The following GPM6A variants were observed in gnomAD, a reference collection of about 807,000 sequenced individuals.
GPM6A encodes neuronal membrane glycoprotein M6-a.
Under a neutral mutation model 32.1 loss-of-function variants are expected in GPM6A, and 7 were observed. The ratio of observed to expected loss-of-function variants is 0.22; its 90% CI spans 0.12 to 0.41. The LOEUF is 0.41. Among genes scored for constraint, GPM6A ranks in the 10% least tolerant of loss-of-function variants. GPM6A has a pLI of 1.00. For synonymous variants in GPM6A, 130 were observed against 123.4 expected (o/e 1.05, Z -0.35); for missense variants, 235 against 347.2 (o/e 0.68, Z 2.57).
intron 1 of GPM6A, among the ~76,000 whole-genome samples, chr4:175,837,121 A>G (rs76944430): frequency 0.14 from 20,666 of 152,082 alleles, 1,745 homozygotes; most frequent in Middle Eastern, 0.24. Context: ...GAGTAAGAAC[A>G]AGAGCAAGAG....
At chr4:175,879,263 A>G (rs2201547) in intron 1 of GPM6A, among the ~76,000 whole-genome samples, 76,514 of 152,044 alleles carry the variant, frequency 0.5, 21,127 homozygotes, top group East Asian at 0.7. Flanking sequence ...CCTGTTGTCC[A>G]GTTCCAAAGT....
At chr4:175,697,238 T>C (rs946344654) in intron 2 of GPM6A, among the ~76,000 whole-genome samples, 1 of 152,156 alleles carries the variant, frequency 6.6e-6, no homozygotes, top group Non-Finnish European at 1.5e-5. Context: ...TTCTGTATGA[T>C]ATCTAATTTT....
intron 1 of GPM6A, among the ~76,000 whole-genome samples, chr4:175,868,849 C>T (rs954639804): frequency 2.6e-5 from 4 of 152,146 alleles, no homozygotes; most frequent in African/African-American, 9.7e-5. Context: ...TTTCATTCAT[C>T]CTTTTCTGTT....
At chr4:175,837,209 G>GT (rs1735796467) in intron 1 of GPM6A, among the ~76,000 whole-genome samples, 1 of 152,092 alleles carries the variant, frequency 6.6e-6, no homozygotes, top group African/African-American at 2.4e-5. Flanking sequence ...GGAATACAGG[G>GT]AACCTCTAGA....
intron 1 of GPM6A, among the ~76,000 whole-genome samples, chr4:175,903,931 T>G (rs1297249250): frequency 6.6e-6 from 1 of 152,092 alleles, no homozygotes; most frequent in African/African-American, 2.4e-5. Flanking sequence ...ATGGGATCAT[T>G]GTACTATAGT....
chr4:175,876,115 A>T, intron 1 of GPM6A, among the ~76,000 whole-genome samples: 1 of 152,204 alleles, frequency 6.6e-6, no homozygotes, highest in East Asian at 1.9e-4. Flanking sequence ...AATGCAGCTC[A>T]AACCTTCTAG....
intron 1 of GPM6A, among the ~76,000 whole-genome samples, chr4:175,729,233 A>G (rs763792346): frequency 1.3e-5 from 2 of 152,212 alleles, no homozygotes; most frequent in Admixed American, 1.3e-4. Flanking sequence ...TCCTAGCTTC[A>G]TTATTAATAG....
rs2111420066 is a variant in GPM6A at position 175,861,032 on chromosome 4, C to T, written c.-22-48783G>A. On this transcript the variant is annotated intron_variant, in intron 1 of 7. Coordinates refer to the GPM6A transcript ENST00000280187. Reference sequence around the variant, plus strand: ...AACAGCACCAACTTTCTTCATTAATCTGTATCATCCTAAATGAATTTAGAT... The same window carrying T: ...AACAGCACCAACTTTCTTCATTAATTTGTATCATCCTAAATGAATTTAGAT... Among the ~76,000 whole-genome samples the T allele has an allele frequency of 2.6e-5, 4 of 151,986 alleles. No homozygotes were observed. The South Asian group carries it at 8.3e-4, about 32-fold the overall frequency.
At chr4:175,776,243 A>AT (rs1257397429) in intron 1 of GPM6A, among the ~76,000 whole-genome samples, 1 of 152,164 alleles carries the variant, frequency 6.6e-6, no homozygotes, top group South Asian at 2.1e-4. Context: ...AATGTCTCCC[A>AT]TTTTTAACTG....
At chr4:175,819,016 C>T (rs997415549) in intron 1 of GPM6A, among the ~76,000 whole-genome samples, 1 of 152,158 alleles carries the variant, frequency 6.6e-6, no homozygotes, top group Non-Finnish European at 1.5e-5. Flanking sequence ...TTCCTATAAC[C>T]ATAAAGGTGA....
intron 1 of GPM6A, among the ~76,000 whole-genome samples, chr4:175,835,737 ATAT>A (rs1393902485): frequency 4.7e-5 from 7 of 147,454 alleles, no homozygotes; most frequent in Non-Finnish European, 7.5e-5. Context: ...TATATATAAT[ATAT>A]TATTTTTTCA....
chr4:175,809,307 G>C (rs189795945), intron 1 of GPM6A, among the ~76,000 whole-genome samples: 164 of 152,024 alleles, frequency 1.1e-3, no homozygotes, highest in Admixed American at 2.1e-3. Context: ...AATGGCTCTT[G>C]ATTTTGGTGA....
chr4:175,876,059 CACTT>C (rs565384951), intron 1 of GPM6A, among the ~76,000 whole-genome samples: 7 of 152,106 alleles, frequency 4.6e-5, no homozygotes, highest in Admixed American at 1.3e-4. Context: ...CCTTTTTTGT[CACTT>C]ACTTTCTTCA....
intron 1 of GPM6A, among the ~76,000 whole-genome samples, chr4:175,966,955 T>G (rs1561015313): frequency 6.6e-6 from 1 of 152,136 alleles, no homozygotes; most frequent in Non-Finnish European, 1.5e-5. Context: ...TCCTAATTTA[T>G]TTTACAAGTC....
chr4:175,861,581 A>G (rs1334187940), intron 1 of GPM6A, among the ~76,000 whole-genome samples: 2 of 151,766 alleles, frequency 1.3e-5, no homozygotes, highest in Non-Finnish European at 2.9e-5. Context: ...GCAAAACTCC[A>G]TCTCCACTAA....
chr4:175,647,796 TG>T (rs1156564722), intron 4 of GPM6A, among the ~76,000 whole-genome samples: 1 of 152,222 alleles, frequency 6.6e-6, no homozygotes, highest in Non-Finnish European at 1.5e-5. Context: ...GGTTCTCTTC[TG>T]ATGCTTCTTG....
At chr4:175,640,958 A>C (rs1305452716) in intron 4 of GPM6A, 129 bp from the exon 5 acceptor site, 2 of 634,988 alleles carry the variant, frequency 3.1e-6, no homozygotes, top group East Asian at 5.5e-5. Context: ...ACAGTGGAAA[A>C]ATAATCTAGC....
chr4:175,648,219 G>A (rs1741585074), intron 4 of GPM6A, among the ~76,000 whole-genome samples: 1 of 152,050 alleles, frequency 6.6e-6, no homozygotes. Flanking sequence ...TGGAACTTGG[G>A]GTAGGTTGAA....
intron 2 of GPM6A, among the ~76,000 whole-genome samples, chr4:175,677,676 G>A (rs890997817): frequency 9.9e-5 from 15 of 151,954 alleles, no homozygotes; most frequent in African/African-American, 2.7e-4. Flanking sequence ...ATCTTTTTCC[G>A]ATCATTCTGG....
Sources: allele counts gnomAD v4.1 joint callset (sites outside exome capture counted in the v4.1 genomes callset), GRCh38; gene constraint gnomAD v4.1.1; transcripts MANE v1.5; gene names NCBI Gene and HGNC (gene_info 2026-07-23, HGNC 2026-07-21).